EPHB4: variants seen among roughly 807,000 people sequenced by gnomAD.
EPHB4 encodes the protein EPH receptor B4.
EPHB4 carries 50 observed loss-of-function variants against 110.6 expected under a neutral mutation model. The ratio of observed to expected loss-of-function variants is 0.45; its 90% CI spans 0.36 to 0.57. EPHB4 has a LOEUF of 0.57. Ranked by LOEUF, EPHB4 falls within the 20% of genes least tolerant of loss-of-function variation. The probability of loss-of-function intolerance (pLI) is 0.00; values close to 1 mark genes in which losing one functional copy is unlikely to be tolerated. For synonymous variants in EPHB4, 592 were observed against 578.4 expected, an observed-to-expected ratio of 1.02 and a Z score of -0.34; for missense variants, 1,128 against 1,382.1, an observed-to-expected ratio of 0.82 and a Z score of 2.91.
At chr7:100,804,669 T>C (rs1188303934) in intron 16 of EPHB4, among the ~76,000 whole-genome samples, 1 of 151,952 alleles carries the variant, frequency 6.6e-6, no homozygotes, top group African/African-American at 2.4e-5. Flanking sequence ...AGAGGAGATC[T>C]TGGGAGAGGA....
intron 1 of EPHB4, 102 bp downstream of exon 1, chr7:100,826,877 G>T: frequency 7.3e-7 from 1 of 1,372,366 alleles, no homozygotes; most frequent in East Asian, 2.7e-5. Context: ...GCAGTGCCCG[G>T]GTAGGGGTAG....
Position 100,823,008 on chromosome 7 carries a change from G to A in EPHB4, c.412-341C>T, listed in dbSNP as rs145817807. ...GGAAGTTATAAAGTACCATGAGGCC[G>A]GGCGTAGTGCCTCATGCCTATAATC... On this transcript the variant is annotated intron_variant, in intron 3 of 16. Coordinates refer to ENST00000358173, the MANE Select transcript of EPHB4 (RefSeq NM_004444.5). Among the ~76,000 whole-genome samples the A allele has an allele frequency of 2.0e-3, 308 of 152,310 alleles. 4 individuals carry two copies. The highest frequency in any genetic ancestry group is 6.9e-3 in the African/African-American group (288 of 41,562).
chr7:100,805,174 G>A lies in EPHB4; in HGVS notation c.2826C>T (p.Ile942=), dbSNP rs749096542. 80 of 1,612,618 alleles carry A rather than the reference G, an allele frequency of 5.0e-5. No homozygotes were observed. The highest frequency in any genetic ancestry group is 6.5e-5 in the Non-Finnish European group (77 of 1,179,470). The change falls in exon 16 of 17, where the codon ATC becomes ATT. Residue 942 remains isoleucine, a synonymous_variant. Transcript: ENST00000358173. ...CTCCTGCCACTGCTTACTCAGCAGAGATCTGGCTGACCAGCTCGAAGGAGC... is the reference window on the plus strand; with the variant it reads ...CTCCTGCCACTGCTTACTCAGCAGAAATCTGGCTGACCAGCTCGAAGGAGC... The part of the protein sequence containing the change: ...GFGSFELVSQ[I]SAEDLLRIGV...
intron 13 of EPHB4, among the ~76,000 whole-genome samples, chr7:100,806,846 T>C (rs1562967313): frequency 6.6e-6 from 1 of 152,140 alleles, no homozygotes; most frequent in Non-Finnish European, 1.5e-5. Flanking sequence ...AATTTTGTAT[T>C]TTTAGTAGCG....
At position 100,803,542 on chromosome 7, in the gene EPHB4, G is replaced by A. The variant is rs1812746498; in HGVS notation, c.2883C>T (p.Ile961=). The A allele has an allele frequency of 6.2e-7, 1 of 1,604,044 alleles. No individual in the cohort carries two copies. Among genetic ancestry groups the A allele is most frequent in the Admixed American group, 1.7e-5 (1 of 58,546 alleles). Residue 961 remains isoleucine, a synonymous_variant, in exon 17 of 17, where the codon ATC becomes ATT. Coordinates refer to ENST00000358173, the MANE Select transcript of EPHB4 (RefSeq NM_004444.5). ...ACTTCATGTGCTGGACACTGGCCAA[G>A]ATTTTCTTCTGGTGTCCCGCCAGAG... The part of the protein sequence containing the change: ...GVTLAGHQKK[I]LASVQHMKSQ...
At chr7:100,821,785 T>A (rs772939560) in intron 4 of EPHB4, among the ~76,000 whole-genome samples, 32 of 151,874 alleles carry the variant, frequency 2.1e-4, no homozygotes, top group Non-Finnish European at 4.1e-4. Context: ...GTGATTTCCA[T>A]GGGGCCCAAG....
intron 16 of EPHB4, among the ~76,000 whole-genome samples, chr7:100,804,468 C>T (rs904038853): frequency 6.6e-6 from 1 of 151,968 alleles, no homozygotes; most frequent in South Asian, 2.1e-4. Context: ...GCACGCACCA[C>T]CATGCCCAGC....
intron 4 of EPHB4, 97 bp from the exon 5 acceptor site, chr7:100,820,393 G>A (rs1813195825): frequency 6.9e-7 from 1 of 1,445,290 alleles, no homozygotes. Context: ...CACTTTGGGA[G>A]GCTGAGGCTG....
rs1197786213 is a variant in EPHB4, at chr7:100,803,156, C to T, written c.*305G>A. On this transcript the variant is annotated 3_prime_UTR_variant, in exon 17 of 17. Coordinates refer to ENST00000358173, the MANE Select transcript of EPHB4 (RefSeq NM_004444.5). ...CTTTGGTCTGCGGGAACGCACCCAT[C>T]AAGGTGAGGGGGGCACCTGGGGAGG... 8.8e-6 allele frequency: 2 copies of T among 227,498 alleles called. No homozygotes were observed. Among genetic ancestry groups the T allele is most frequent in the Non-Finnish European group, 1.7e-5 (2 of 116,930 alleles). The allele number at this position is 227,498 out of a possible 1,614,324, so 14.1% of individuals were successfully genotyped here.
At position 100,806,240 on chromosome 7, in the gene EPHB4, T is replaced by A. The variant is rs314352; in HGVS notation, c.2484+180A>T. 0.35 allele frequency: 244,168 copies of A among 697,438 alleles called. 44,939 individuals are homozygous for A. Among genetic ancestry groups the A allele is most frequent in the Middle Eastern group, 0.43 (1,028 of 2,370 alleles). The allele number at this position is 697,438 out of a possible 1,614,324, so 43.2% of individuals were successfully genotyped here. On this transcript the variant is annotated intron_variant, in intron 14 of 16. Transcript: ENST00000358173. ...CTCCCAAAGTGCTGGGATTACAGGC[T>A]TGAGCCACTAGGCCTGGCCCTGTAT...
rs371751665 is a variant in EPHB4, at chr7:100,817,309, G to C, written c.1471C>G (p.Arg491Gly). The change falls in exon 8 of 17, where the codon CGG (arginine) becomes GGG (glycine). Residue 491 changes from arginine to glycine, a missense_variant. Physicochemically the swap from Arg to Gly is moderately radical, Grantham distance 125. Coordinates refer to ENST00000358173, the MANE Select transcript of EPHB4 (RefSeq NM_004444.5). ...CGCTTCAGCCCCCGCAGCTCTGCCC[G>C]GTTTTCTGACGTCTTCAGGAACCGC... ...SVRFLKTSEN[R>G]AELRGLKRGA... The C allele has an allele frequency of 1.7e-5, 27 of 1,590,888 alleles. No homozygotes were observed. The highest frequency in any genetic ancestry group is 2.7e-5 in the African/African-American group (2 of 74,024).
In EPHB4 at chr7:100,819,690, C is replaced by T; in HGVS notation, c.1164G>A (p.Glu388=). ...GTAGCCCTCGAACCACCACCCAGGG[C>T]TCCACCAGGTCCCGGGGGCCGGGGT... ...TFDPGPRDLV[E]PWVVVRGLRP... The change falls in exon 6 of 17, where the codon GAG becomes GAA. Residue 388 remains glutamate, a synonymous_variant. Coordinates refer to ENST00000358173, the MANE Select transcript of EPHB4 (RefSeq NM_004444.5). 1 of 1,613,776 alleles carries T rather than the reference C, an allele frequency of 6.2e-7. No individual in the cohort carries two copies. Among genetic ancestry groups the T allele is most frequent in the Non-Finnish European group, 8.5e-7 (1 of 1,179,982 alleles).
intron 12 of EPHB4, among the ~76,000 whole-genome samples, chr7:100,809,964 A>G (rs1461501803): frequency 6.6e-6 from 1 of 152,148 alleles, no homozygotes; most frequent in Non-Finnish European, 1.5e-5. Context: ...AAATACAAAA[A>G]TTAGCCGGGC....
chr7:100,820,162 G>T lies in EPHB4; in HGVS notation c.943C>A (p.Pro315Thr), dbSNP rs764304295. Residue 315 changes from proline to threonine, a missense_variant, in exon 5 of 17, where the codon CCC becomes ACC. By Grantham distance (38) the Pro-to-Thr change is conservative. Coordinates refer to ENST00000358173, the MANE Select transcript of EPHB4 (RefSeq NM_004444.5). ...TTACTGGTGCAGGGTGCACCCCGGG[G>T]GTCTGTGCGTGCCCGGAAGTACCCG... is the stretch of plus-strand genomic sequence containing the variant. Reference protein sequence around the residue: ...RVGYFRARTDPRGAPCTTPPS... With the variant: ...RVGYFRARTDTRGAPCTTPPS... 10 of 1,613,886 alleles carry T rather than the reference G, an allele frequency of 6.2e-6. No homozygotes were observed. In the Admixed American group the frequency reaches 8.3e-5, roughly 13 times the overall value.
chr7:100,805,112 T>G, intron 16 of EPHB4, 54 bp downstream of exon 16: 1 of 1,576,578 alleles, frequency 6.3e-7, no homozygotes, highest in Non-Finnish European at 8.6e-7. Flanking sequence ...CCCGTGGGCC[T>G]GACTCCAGCT....
intron 12 of EPHB4, among the ~76,000 whole-genome samples, chr7:100,809,334 T>C (rs967287197): frequency 5.3e-5 from 8 of 152,122 alleles, no homozygotes; most frequent in African/African-American, 1.9e-4. Flanking sequence ...CTCGAACTCC[T>C]GACCTCAAGT....
At chr7:100,815,382 C>T (rs770175036) in intron 8 of EPHB4, among the ~76,000 whole-genome samples, 2 of 152,040 alleles carry the variant, frequency 1.3e-5, no homozygotes, top group Non-Finnish European at 2.9e-5. Flanking sequence ...CTACAACATA[C>T]ATAAACCTTG....
Position 100,820,190 on chromosome 7 carries a change from G to A in EPHB4, c.915C>T (p.Arg305=), listed in dbSNP as rs139571805. ...CTGTGCGTGCCCGGAAGTACCCGAC[G>A]CGGCACTGGCAGACGGCTGATCCAA... The part of the protein sequence containing the change: ...NTIGSAVCQC[R]VGYFRARTDP... Residue 305 remains arginine, a synonymous_variant, in exon 5 of 17, where the codon CGC becomes CGT. Coordinates refer to ENST00000358173, the MANE Select transcript of EPHB4 (RefSeq NM_004444.5). 25 of 1,613,982 alleles carry A rather than the reference G, an allele frequency of 1.5e-5. No homozygotes were observed. The highest frequency in any genetic ancestry group is 1.1e-4 in the South Asian group (10 of 91,086).
At chr7:100,813,373 T>C (rs13240525) in intron 10 of EPHB4, 165 bp from the exon 11 acceptor site, 56 of 625,132 alleles carry the variant, frequency 9.0e-5, no homozygotes, top group Non-Finnish European at 1.4e-4. Flanking sequence ...TGGAGCGCAG[T>C]GGCGCGATCT....
Sources: gnomAD v4.1 joint callset for allele counts (sites outside exome capture counted in the v4.1 genomes callset) on GRCh38, gnomAD v4.1.1 for gene constraint, MANE v1.5 for transcripts, NCBI Gene and HGNC (gene_info 2026-07-23, HGNC 2026-07-21) for gene names.